Variants in CFAP20DC observed in about 807,000 individuals in gnomAD.
The protein encoded by CFAP20DC is protein CFAP20DC.
CFAP20DC carries 84 observed loss-of-function variants against 101.7 expected under a neutral mutation model. That is an observed-to-expected ratio of 0.83 (90% CI 0.69 to 0.99). The LOEUF is 0.99. Ranked by LOEUF, CFAP20DC falls within the 50% of genes least tolerant of loss-of-function variation. The pLI, the probability that CFAP20DC is intolerant of heterozygous loss-of-function variation, is 0.00. For missense variants in CFAP20DC, 1,007 were observed against 970.3 expected, an observed-to-expected ratio of 1.04 and a Z score of -0.50; for synonymous variants, 359 against 351.2, an observed-to-expected ratio of 1.02 and a Z score of -0.25.
chr3:58,798,615 AT>A (rs1039005622), intron 15 of CFAP20DC, among the ~76,000 whole-genome samples: 2 of 152,224 alleles, frequency 1.3e-5, no homozygotes, highest in Non-Finnish European at 2.9e-5. Flanking sequence ...ATTAACTCCA[AT>A]TTTGAAAGAA....
chr3:58,844,709 A>AT (rs1286432434), intron 13 of CFAP20DC, among the ~76,000 whole-genome samples: 1 of 129,762 alleles, frequency 7.7e-6, no homozygotes, highest in Non-Finnish European at 1.5e-5. Context: ...CAGAATATAC[A>AT]TTTTTTTCAG....
chr3:58,825,533 A>C (rs1195745938), intron 14 of CFAP20DC, among the ~76,000 whole-genome samples: 2 of 126,504 alleles, frequency 1.6e-5, no homozygotes, highest in African/African-American at 3.5e-5. Context: ...TCCTTAAAAA[A>C]AGAAAACACA....
chr3:58,972,935 A>G (rs1468304321), intron 4 of CFAP20DC, among the ~76,000 whole-genome samples: 1 of 152,136 alleles, frequency 6.6e-6, no homozygotes, highest in African/African-American at 2.4e-5. Flanking sequence ...TTCACATTTG[A>G]TTTCTGAAGC....
At chr3:58,842,407 C>G (rs866072578) in intron 13 of CFAP20DC, among the ~76,000 whole-genome samples, 118 of 152,048 alleles carry the variant, frequency 7.8e-4, no homozygotes, top group African/African-American at 2.7e-3. Context: ...GGGTGACAGA[C>G]GCACCTGGAA....
chr3:58,951,703 A>G (rs2090127035), intron 4 of CFAP20DC, among the ~76,000 whole-genome samples: 1 of 152,094 alleles, frequency 6.6e-6, no homozygotes. Flanking sequence ...TGGGAATTGA[A>G]CAATGAGATC....
chr3:58,858,931 T>C (rs1183957098), intron 12 of CFAP20DC, among the ~76,000 whole-genome samples: 1 of 152,172 alleles, frequency 6.6e-6, no homozygotes, highest in East Asian at 1.9e-4. Flanking sequence ...CCTAACAGAA[T>C]GAAAAAAATA....
At chr3:59,041,129 C>T (rs1045893510) in intron 3 of CFAP20DC, among the ~76,000 whole-genome samples, 6 of 152,040 alleles carry the variant, frequency 3.9e-5, no homozygotes, top group African/African-American at 1.4e-4. Flanking sequence ...TTTTCCATTG[C>T]ACAATGGCCT....
At chr3:58,970,579 A>G (rs373806537) in intron 4 of CFAP20DC, 10 of 152,302 alleles carry the variant, frequency 6.6e-5, no homozygotes, top group East Asian at 1.9e-4. Flanking sequence ...GTAAATATAC[A>G]TTGTTTTAAG....
chr3:59,029,923 C>G (rs374043383), intron 4 of CFAP20DC, among the ~76,000 whole-genome samples: 3 of 152,224 alleles, frequency 2.0e-5, no homozygotes, highest in South Asian at 4.2e-4. Context: ...ACTGAATGAA[C>G]GAGTAATTCC....
At chr3:58,995,980 A>ATCTATCTATCTATCTATC (rs2093113491) in intron 4 of CFAP20DC, among the ~76,000 whole-genome samples, 1 of 133,818 alleles carries the variant, frequency 7.5e-6, no homozygotes, top group African/African-American at 2.6e-5. Flanking sequence ...TAATAAATCT[A>ATCTATCTATCTATCTATC]TCTATCTATC....
chr3:58,813,254 T>C (rs2074819298), intron 14 of CFAP20DC, among the ~76,000 whole-genome samples: 1 of 151,944 alleles, frequency 6.6e-6, no homozygotes, highest in Non-Finnish European at 1.5e-5. Context: ...TGAACAACTA[T>C]ATCTCATGTA....
intron 4 of CFAP20DC, among the ~76,000 whole-genome samples, chr3:58,952,638 G>A (rs554285948): frequency 1.3e-5 from 2 of 152,142 alleles, no homozygotes; most frequent in South Asian, 4.1e-4. Context: ...GGGAATGGGT[G>A]GGGTTGCAGG....
intron 7 of CFAP20DC, among the ~76,000 whole-genome samples, chr3:58,878,824 T>C (rs903623589): frequency 4.6e-5 from 7 of 152,184 alleles, no homozygotes; most frequent in East Asian, 3.9e-4. Context: ...ATCCTGTGAA[T>C]GGTGAAACTC....
intron 4 of CFAP20DC, among the ~76,000 whole-genome samples, chr3:58,942,014 A>G (rs369998796): frequency 1.3e-5 from 2 of 152,200 alleles, no homozygotes; most frequent in African/African-American, 4.8e-5. Context: ...AGTTTACTTT[A>G]TCACACTGAG....
chr3:58,949,757 G>A (rs1461697547), intron 4 of CFAP20DC, among the ~76,000 whole-genome samples: 1 of 152,182 alleles, frequency 6.6e-6, no homozygotes, highest in African/African-American at 2.4e-5. Context: ...ATTAGGTTTT[G>A]ATGGGATGTA....
chr3:58,898,545 G>A lies in CFAP20DC; in HGVS notation c.551-13836C>T, dbSNP rs555103866. ...TTTTCACCTCCATCAGTTCAGTTAC[G>A]TTCTTCTTTAAACTGGCTATTTTGG... On this transcript the variant is annotated intron_variant, in intron 6 of 16. Coordinates refer to ENST00000482387, the MANE Select transcript of CFAP20DC (RefSeq NM_001394063.1). 2.6e-5 allele frequency among the ~76,000 whole-genome samples: 4 copies of A among 152,234 alleles called. No homozygotes were observed. In the South Asian group the frequency reaches 6.2e-4, roughly 24 times the overall value.
At chr3:58,979,029 T>C (rs1412751973) in intron 4 of CFAP20DC, among the ~76,000 whole-genome samples, 2 of 152,200 alleles carry the variant, frequency 1.3e-5, no homozygotes, top group Non-Finnish European at 2.9e-5. Context: ...ATTTACCAGA[T>C]ACCTTAACTC....
intron 5 of CFAP20DC, among the ~76,000 whole-genome samples, chr3:58,934,046 C>G (rs1036433024): frequency 5.9e-5 from 9 of 152,066 alleles, no homozygotes; most frequent in African/African-American, 9.6e-5. Flanking sequence ...AAGAAGAAAA[C>G]AGAGAAGAAT....
chr3:59,010,124 A>C (rs2093546669), intron 4 of CFAP20DC, among the ~76,000 whole-genome samples: 3 of 152,116 alleles, frequency 2.0e-5, no homozygotes, highest in African/African-American at 7.2e-5. Context: ...TAAATCTCAC[A>C]GGGCCTAGAA....
Sources: allele counts gnomAD v4.1 joint callset (sites outside exome capture counted in the v4.1 genomes callset), GRCh38; gene constraint gnomAD v4.1.1; transcripts MANE v1.5; gene names NCBI Gene and HGNC (gene_info 2026-07-23, HGNC 2026-07-21).